GNAO1: variants seen among roughly 807,000 people sequenced by gnomAD.
GNAO1 encodes guanine nucleotide-binding protein G(o) subunit alpha.
For synonymous variants in GNAO1, 164 were observed against 180.7 expected (o/e 0.91, Z 0.74); for missense variants, 166 against 478.7 (o/e 0.35, Z 6.10).
rs2037636163 is a variant in GNAO1, at chr16:56,326,764, G to A, written c.304-1867G>A. On this transcript the variant is annotated intron_variant, in intron 3 of 8. Transcript: ENST00000262493. The surrounding 1 kb of genome is among the most constrained non-coding windows in gnomAD (Gnocchi z 4.8). ...CAGTGAGCTCCATGGGCAGAGGCAG[G>A]AGGGCGGCCCGGGGCAGCACCTGCT... Among the ~76,000 whole-genome samples, 2 of 152,238 alleles carry A rather than the reference G, an allele frequency of 1.3e-5. No homozygotes were observed. The highest frequency in any genetic ancestry group is 2.9e-5 in the Non-Finnish European group (2 of 68,036).
intron 6 of GNAO1, chr16:56,347,999 C>T: frequency 1.0e-6 from 1 of 981,294 alleles, no homozygotes; most frequent in African/African-American, 1.8e-5. Context: ...CGTCCCAGGC[C>T]CTCCTTAGAA....
chr16:56,275,186 A>C (rs1458403622), intron 2 of GNAO1, among the ~76,000 whole-genome samples: 1 of 152,260 alleles, frequency 6.6e-6, no homozygotes, highest in Non-Finnish European at 1.5e-5. Flanking sequence ...TACTTTAGTT[A>C]TAAGAGGATT....
chr16:56,199,763 G>C (rs1208907994), intron 2 of GNAO1, among the ~76,000 whole-genome samples: 3 of 152,174 alleles, frequency 2.0e-5, no homozygotes, highest in Non-Finnish European at 4.4e-5. Flanking sequence ...AGGCGGTGGG[G>C]AATAGTGGGA....
chr16:56,328,803 A>C lies in GNAO1; in HGVS notation c.464+12A>C. The C allele has an allele frequency of 1.9e-6, 3 of 1,613,488 alleles. No homozygotes were observed. The highest frequency in any genetic ancestry group is 2.5e-6 in the Non-Finnish European group (3 of 1,179,422). ...GACTCTGCCAAATAGTGAGTGTCCCAGCGGGCGCATGGCCTGGAGCCGGGC... is the reference window on the plus strand; with the variant it reads ...GACTCTGCCAAATAGTGAGTGTCCCCGCGGGCGCATGGCCTGGAGCCGGGC... On this transcript the variant is annotated intron_variant, in intron 4 of 8. Coordinates refer to ENST00000262493, the MANE Select transcript of GNAO1 (RefSeq NM_020988.3).
Position 56,193,539 on chromosome 16 carries a change from A to G in GNAO1, c.161+923A>G, listed in dbSNP as rs568994637. The G allele has an allele frequency of 6.2e-4, 97 of 155,876 alleles. 1 individual carries two copies. The highest frequency in any genetic ancestry group is 9.7e-4 in the Non-Finnish European group (68 of 70,366). The allele number at this position is 155,876 out of a possible 1,614,324, so 9.7% of individuals were successfully genotyped here. ...GCCGCCGCCCCCTTCTGCCTTAGCTATCAGTTTCCCCTCCTAATTAACTGG... is the reference window on the plus strand; with the variant it reads ...GCCGCCGCCCCCTTCTGCCTTAGCTGTCAGTTTCCCCTCCTAATTAACTGG... On this transcript the variant is annotated intron_variant, in intron 2 of 8. Coordinates refer to ENST00000262493, the MANE Select transcript of GNAO1 (RefSeq NM_020988.3).
chr16:56,214,754 C>T (rs1235331170), intron 2 of GNAO1, among the ~76,000 whole-genome samples: 3 of 152,204 alleles, frequency 2.0e-5, no homozygotes, highest in African/African-American at 7.2e-5. Flanking sequence ...TCCCTCTGTC[C>T]CAACCCCAAG....
chr16:56,295,378 C>T (rs1413512726), intron 3 of GNAO1, among the ~76,000 whole-genome samples: 1 of 152,072 alleles, frequency 6.6e-6, no homozygotes, highest in Non-Finnish European at 1.5e-5. Context: ...TAATAAGTCA[C>T]CTACCTCCTT....
chr16:56,295,450 A>G, intron 3 of GNAO1, among the ~76,000 whole-genome samples: 1 of 152,188 alleles, frequency 6.6e-6, no homozygotes, highest in East Asian at 1.9e-4. Flanking sequence ...TCAAGGGCAC[A>G]CAAAGGCTGG....
intron 2 of GNAO1, among the ~76,000 whole-genome samples, chr16:56,271,749 G>A (rs570014165): frequency 1.3e-5 from 2 of 152,272 alleles, no homozygotes; most frequent in Admixed American, 6.5e-5. Flanking sequence ...CACTGCGTCC[G>A]GTGGAAAATA....
At chr16:56,289,368 G>T (rs1473704908) in intron 3 of GNAO1, among the ~76,000 whole-genome samples, 4 of 152,208 alleles carry the variant, frequency 2.6e-5, no homozygotes, top group Non-Finnish European at 5.9e-5. Flanking sequence ...ATAGCCCAGG[G>T]CTGGGGACTG....
intron 6 of GNAO1, among the ~76,000 whole-genome samples, chr16:56,341,156 A>G (rs533836872): frequency 6.6e-6 from 1 of 152,294 alleles, no homozygotes; most frequent in African/African-American, 2.4e-5. Context: ...AGGGGCAGCT[A>G]GCCGGGGCTT....
intron 2 of GNAO1, among the ~76,000 whole-genome samples, chr16:56,221,688 G>A (rs1310152049): frequency 6.7e-6 from 1 of 148,880 alleles, no homozygotes; most frequent in Admixed American, 6.7e-5. Context: ...GGGACCAGAT[G>A]ATGCAGATGA....
chr16:56,249,507 C>A (rs2036780245), intron 2 of GNAO1, among the ~76,000 whole-genome samples: 2 of 152,166 alleles, frequency 1.3e-5, no homozygotes. Flanking sequence ...CTGTGGACAA[C>A]TGGCATGATC....
At chr16:56,346,565 C>A in intron 6 of GNAO1, 1 of 985,362 alleles carries the variant, frequency 1.0e-6, no homozygotes, top group Non-Finnish European at 1.2e-6. Flanking sequence ...GTCCCCAAGG[C>A]TCTCTGGCCT....
At chr16:56,276,202 T>C (rs2037060311) in intron 3 of GNAO1, 130 bp downstream of exon 3, 4 of 763,218 alleles carry the variant, frequency 5.2e-6, no homozygotes, top group Non-Finnish European at 8.0e-6. Flanking sequence ...AGATATATGG[T>C]GGCACAGTCA....
intron 2 of GNAO1, among the ~76,000 whole-genome samples, chr16:56,219,546 G>C (rs1181686636): frequency 6.6e-6 from 1 of 152,124 alleles, no homozygotes; most frequent in Non-Finnish European, 1.5e-5. Context: ...TTTGGTATCG[G>C]ATATTAGGAA....
At chr16:56,248,344 A>G (rs1238346373) in intron 2 of GNAO1, among the ~76,000 whole-genome samples, 1 of 152,222 alleles carries the variant, frequency 6.6e-6, no homozygotes, top group Non-Finnish European at 1.5e-5. Context: ...TGTTATAAAC[A>G]TCAAATCTAA....
At chr16:56,310,107 G>T (rs2037439400) in intron 3 of GNAO1, among the ~76,000 whole-genome samples, 2 of 151,508 alleles carry the variant, frequency 1.3e-5, no homozygotes, top group Non-Finnish European at 2.9e-5. Context: ...AGGCCAAGAA[G>T]ACCAGCGTGG....
At chr16:56,274,966 C>T (rs546535177) in intron 2 of GNAO1, among the ~76,000 whole-genome samples, 2 of 152,240 alleles carry the variant, frequency 1.3e-5, no homozygotes, top group South Asian at 4.1e-4. Context: ...GAATCTTTAG[C>T]CATTTTCTCC....
Sources: gnomAD v4.1 joint callset for allele counts (sites outside exome capture counted in the v4.1 genomes callset) on GRCh38, gnomAD v4.1.1 for gene constraint, Gnocchi (gnomAD v3.1) non-coding constraint, MANE v1.5 for transcripts, NCBI Gene and HGNC (gene_info 2026-07-23, HGNC 2026-07-21) for gene names.